Variants in MYO5A observed in about 807,000 individuals in gnomAD.
The protein encoded by MYO5A is unconventional myosin-Va.
MYO5A carries 98 observed loss-of-function variants against 249.7 expected under a neutral mutation model. The ratio of observed to expected loss-of-function variants is 0.39; its 90% CI spans 0.33 to 0.46. The LOEUF (loss-of-function observed/expected upper bound fraction) is 0.46, where lower values mean the gene tolerates loss of function less well. MYO5A is among the 20% of genes least tolerant of loss of function. The pLI, the probability that MYO5A is intolerant of heterozygous loss-of-function variation, is 0.98. For synonymous variants in MYO5A, 778 were observed against 810.6 expected (o/e 0.96, Z 0.68); for missense variants, 1,696 against 2,308.8 (o/e 0.73, Z 5.44).
At chr15:52,492,127 T>C (rs561896903) in intron 1 of MYO5A, among the ~76,000 whole-genome samples, 1 of 152,286 alleles carries the variant, frequency 6.6e-6, no homozygotes, top group East Asian at 1.9e-4. Flanking sequence ...TGGTCATACA[T>C]AGATATATAG....
chr15:52,382,325 C>T (rs1228496336), intron 16 of MYO5A, among the ~76,000 whole-genome samples: 2 of 152,166 alleles, frequency 1.3e-5, no homozygotes, highest in African/African-American at 2.4e-5. Context: ...CGCCTGTAAT[C>T]CCACTGGGAG....
chr15:52,524,357 C>T (rs2077687907), intron 1 of MYO5A, among the ~76,000 whole-genome samples: 1 of 152,078 alleles, frequency 6.6e-6, no homozygotes, highest in Non-Finnish European at 1.5e-5. Flanking sequence ...AGTTAGAGAT[C>T]AGCCTGGGCA....
intron 35 of MYO5A, 80 bp downstream of exon 35, chr15:52,330,273 C>A (rs1396990192): frequency 5.1e-6 from 8 of 1,569,698 alleles, no homozygotes; most frequent in Admixed American, 3.3e-5. Flanking sequence ...CGCTGAATAT[C>A]TCAAAAATTA....
intron 5 of MYO5A, 200 bp downstream of exon 5, chr15:52,415,945 A>T: frequency 1.5e-6 from 1 of 649,236 alleles, no homozygotes; most frequent in Non-Finnish European, 2.6e-6. Flanking sequence ...AGATTCCGCT[A>T]TAGCTGGGCT....
At chr15:52,451,325 C>T (rs2076016392) in intron 1 of MYO5A, among the ~76,000 whole-genome samples, 1 of 152,158 alleles carries the variant, frequency 6.6e-6, no homozygotes, top group Non-Finnish European at 1.5e-5. Flanking sequence ...TCCATCTCTA[C>T]AGCCACCACC....
chr15:52,497,424 G>GATAAATAAATAAATAAATAGATAA (rs2077060112), intron 1 of MYO5A, among the ~76,000 whole-genome samples: 1 of 147,344 alleles, frequency 6.8e-6, no homozygotes, highest in African/African-American at 2.5e-5. Flanking sequence ...TAAATAAATA[G>GATAAATAAATAAATAAATAGATAA]ATAAATAAAT....
intron 10 of MYO5A, among the ~76,000 whole-genome samples, 155 bp from the exon 11 acceptor site, chr15:52,396,552 A>G (rs2042493903): frequency 6.6e-6 from 1 of 152,228 alleles, no homozygotes; most frequent in South Asian, 2.1e-4. Flanking sequence ...TTTCTAAGTC[A>G]GTAACAAGGA....
chr15:52,419,552 C>T (rs995228724), intron 4 of MYO5A, among the ~76,000 whole-genome samples: 2 of 152,130 alleles, frequency 1.3e-5, no homozygotes, highest in African/African-American at 4.8e-5. Flanking sequence ...AATGAGTTTA[C>T]AATTATAATA....
At chr15:52,521,490 T>C (rs771191460) in intron 1 of MYO5A, among the ~76,000 whole-genome samples, 2 of 152,150 alleles carry the variant, frequency 1.3e-5, no homozygotes, top group Non-Finnish European at 2.9e-5. Flanking sequence ...GCATCCAGTC[T>C]CCCTCTAGCC....
intron 1 of MYO5A, among the ~76,000 whole-genome samples, chr15:52,512,412 G>T (rs547115630): frequency 6.6e-6 from 1 of 151,734 alleles, no homozygotes; most frequent in Non-Finnish European, 1.5e-5. Flanking sequence ...ATACTCTGAG[G>T]TCATGAAAAA....
intron 1 of MYO5A, among the ~76,000 whole-genome samples, chr15:52,476,950 G>T (rs973780688): frequency 3.3e-5 from 5 of 152,164 alleles, no homozygotes; most frequent in Admixed American, 1.3e-4. Context: ...GCCTTGCTAG[G>T]TTGGGGAAGT....
Position 52,314,203 on chromosome 15 carries a change from T to C in MYO5A, c.5410A>G (p.Ile1804Val), listed in dbSNP as rs749533763. 1.1e-5 allele frequency: 17 copies of C among 1,605,274 alleles called. No homozygotes were observed. Among genetic ancestry groups the C allele is most frequent in the Non-Finnish European group, 1.5e-5 (17 of 1,172,166 alleles). The change falls in exon 41 of 42, where the codon ATT (isoleucine) becomes GTT (valine). Residue 1804 changes from isoleucine to valine, a missense_variant and splice_region_variant. Transcript: ENST00000399233. The stretch of plus-strand genomic sequence containing the variant: ...GTATACAAATTCAACACTTTCACAA[T>C]CTGTGAGAAATGAAATGATCAAAGT... ...SMCNALTTAQ[I>V]VKVLNLYTPV...
chr15:52,369,200 G>C (rs2040972401), intron 22 of MYO5A, among the ~76,000 whole-genome samples: 2 of 152,128 alleles, frequency 1.3e-5, no homozygotes, highest in African/African-American at 2.4e-5. Flanking sequence ...TAACCGACCT[G>C]CATCTAAGTT....
At chr15:52,459,849 A>T (rs2141406324) in intron 1 of MYO5A, among the ~76,000 whole-genome samples, 1 of 145,774 alleles carries the variant, frequency 6.9e-6, no homozygotes, top group Admixed American at 6.7e-5. Flanking sequence ...GATCTCCCAG[A>T]TGGGGTGGCG....
intron 28 of MYO5A, among the ~76,000 whole-genome samples, chr15:52,350,533 T>C (rs1250491179): frequency 6.6e-6 from 1 of 152,192 alleles, no homozygotes; most frequent in African/African-American, 2.4e-5. Flanking sequence ...CTTGACTGCC[T>C]TGAGTCCTGT....
chr15:52,454,617 C>T (rs180893960), intron 1 of MYO5A, among the ~76,000 whole-genome samples: 3 of 152,202 alleles, frequency 2.0e-5, no homozygotes, highest in Admixed American at 2.0e-4. Flanking sequence ...CAAAACAAAT[C>T]TCAACACATT....
chr15:52,527,717 T>C (rs1266067639), intron 1 of MYO5A, among the ~76,000 whole-genome samples: 2 of 152,220 alleles, frequency 1.3e-5, no homozygotes, highest in Admixed American at 6.5e-5. Flanking sequence ...TCCAGGTCTC[T>C]TGATGCCCAG....
chr15:52,318,454 C>T (rs1332587512), intron 39 of MYO5A, among the ~76,000 whole-genome samples: 56 of 33,718 alleles, frequency 1.7e-3, no homozygotes, highest in African/African-American at 7.1e-3. Flanking sequence ...AAAACTCCAT[C>T]TCAAAAAAAA....
intron 11 of MYO5A, among the ~76,000 whole-genome samples, chr15:52,395,408 C>A (rs2042446597): frequency 6.6e-6 from 1 of 152,310 alleles, no homozygotes; most frequent in South Asian, 2.1e-4. Flanking sequence ...ACCACTTGAC[C>A]TCTCTCTTTA....
Sources: gnomAD v4.1 joint callset for allele counts (sites outside exome capture counted in the v4.1 genomes callset) on GRCh38, gnomAD v4.1.1 for gene constraint, MANE v1.5 for transcripts, NCBI Gene and HGNC (gene_info 2026-07-23, HGNC 2026-07-21) for gene names.